DLG2: variants seen among roughly 807,000 people sequenced by gnomAD.
The protein encoded by DLG2 is disks large homolog 2.
DLG2 carries 45 observed loss-of-function variants against 132.5 expected under a neutral mutation model. The ratio of observed to expected loss-of-function variants is 0.34; its 90% CI spans 0.27 to 0.44. DLG2 has a LOEUF of 0.44. Ranked by LOEUF, DLG2 falls within the 20% of genes least tolerant of loss-of-function variation. DLG2 has a pLI of 1.00. For missense variants in DLG2, 1,045 were observed against 1,196.9 expected, an observed-to-expected ratio of 0.87 and a Z score of 1.87; for synonymous variants, 424 against 419.6, an observed-to-expected ratio of 1.01 and a Z score of -0.13.
intron 6 of DLG2, among the ~76,000 whole-genome samples, chr11:84,943,975 A>G (rs1489825491): frequency 6.6e-6 from 1 of 152,036 alleles, no homozygotes; most frequent in African/African-American, 2.4e-5. Context: ...GAAAGTCTTC[A>G]TTTCTCCTTC....
rs981588323 is a variant in DLG2 at position 85,082,615 on chromosome 11, G to C, written c.357+29046C>G. 1.1e-4 allele frequency among the ~76,000 whole-genome samples: 16 copies of C among 151,736 alleles called. No individual in the cohort carries two copies. The East Asian group carries it at 2.3e-3, about 22-fold the overall frequency. On this transcript the variant is annotated intron_variant, in intron 6 of 27. Coordinates refer to ENST00000376104, the MANE Select transcript of DLG2 (RefSeq NM_001142699.3). ...CTTCTCTTGATTGTTTTTTCACTTG[G>C]TAACAAAGACAGCAAAAAGGGAAGG...
chr11:84,653,705 G>A (rs1001742376), intron 6 of DLG2, among the ~76,000 whole-genome samples: 1 of 152,140 alleles, frequency 6.6e-6, no homozygotes, highest in African/African-American at 2.4e-5. Context: ...ATATGTTCAA[G>A]TCCTCCTAAC....
At chr11:83,478,019 C>T (rs2092758491) in intron 22 of DLG2, among the ~76,000 whole-genome samples, 1 of 152,062 alleles carries the variant, frequency 6.6e-6, no homozygotes, top group South Asian at 2.1e-4. Flanking sequence ...TTGAGCCAGA[C>T]ATCAATCTAT....
At chr11:85,321,170 G>C (rs1225557922) in intron 3 of DLG2, among the ~76,000 whole-genome samples, 2 of 151,962 alleles carry the variant, frequency 1.3e-5, no homozygotes, top group African/African-American at 4.8e-5. Context: ...TAGGGAGAAA[G>C]AGATTTTTGC....
rs528670078 is a variant in DLG2, at chr11:84,876,793, C to A, written c.357+234868G>T. Among the ~76,000 whole-genome samples the A allele has an allele frequency of 5.3e-5, 8 of 152,280 alleles. No homozygotes were observed. In the East Asian group the frequency reaches 1.2e-3, roughly 22 times the overall value. ...TGATGGTAGGGTGTTGAATTTAGAT[C>A]TTTCCTGCTTTCTCCAGTGGGCATT... On this transcript the variant is annotated intron_variant, in intron 6 of 27. Transcript: ENST00000376104.
intron 27 of DLG2, among the ~76,000 whole-genome samples, chr11:83,461,172 C>A (rs2089915518): frequency 6.6e-6 from 1 of 151,936 alleles, no homozygotes; most frequent in Non-Finnish European, 1.5e-5. Flanking sequence ...CCACACCCAG[C>A]TAATTTTTTG....
intron 9 of DLG2, among the ~76,000 whole-genome samples, chr11:84,145,221 T>C (rs1316805740): frequency 2.6e-5 from 4 of 152,226 alleles, no homozygotes; most frequent in African/African-American, 4.8e-5. Context: ...GTTTTAAAAG[T>C]ACCCTTATAC....
At chr11:84,174,629 C>T (rs2095906567) in intron 8 of DLG2, among the ~76,000 whole-genome samples, 1 of 152,128 alleles carries the variant, frequency 6.6e-6, no homozygotes, top group Non-Finnish European at 1.5e-5. Context: ...TAGGTTAGGT[C>T]CTAGGGCTAT....
chr11:84,594,663 A>G (rs1224605342), intron 6 of DLG2, among the ~76,000 whole-genome samples: 3 of 152,214 alleles, frequency 2.0e-5, no homozygotes, highest in Non-Finnish European at 4.4e-5. Flanking sequence ...CATGCAAAAC[A>G]AACAGTTTGG....
chr11:84,213,848 A>G (rs2096792690), intron 8 of DLG2, among the ~76,000 whole-genome samples: 2 of 149,816 alleles, frequency 1.3e-5, no homozygotes, highest in South Asian at 4.2e-4. Context: ...AAAAAAAAAA[A>G]GGATGTAAGA....
chr11:83,516,893 C>T lies in DLG2; in HGVS notation c.2193+15815G>A, dbSNP rs532814935. Among the ~76,000 whole-genome samples, 171 of 149,184 alleles carry T rather than the reference C, an allele frequency of 1.1e-3. 4 individuals carry two copies. Among genetic ancestry groups the T allele is most frequent in the African/African-American group, 2.6e-3 (104 of 40,528 alleles). ...CTTGTAGAGTTTCTGCCGAGAGATC[C>T]GCTGTTAGTCTGATGGGCTTCCCTT... is the stretch of plus-strand genomic sequence containing the variant. On this transcript the variant is annotated intron_variant, in intron 21 of 27. Transcript: ENST00000376104.
At chr11:85,399,993 C>A (rs1396174129) in intron 3 of DLG2, among the ~76,000 whole-genome samples, 3 of 151,968 alleles carry the variant, frequency 2.0e-5, no homozygotes, top group Non-Finnish European at 4.4e-5. Context: ...AGTGAACAGG[C>A]AACCTACAAA....
At chr11:84,074,528 A>ATTTT (rs1255706114) in intron 10 of DLG2, among the ~76,000 whole-genome samples, 1 of 144,946 alleles carries the variant, frequency 6.9e-6, no homozygotes, top group African/African-American at 2.8e-5. Flanking sequence ...CAGAGTTTCT[A>ATTTT]ATTTTTTTTT....
At chr11:83,838,784 CAAA>C (rs56885281) in intron 16 of DLG2, among the ~76,000 whole-genome samples, 2 of 135,066 alleles carry the variant, frequency 1.5e-5, no homozygotes, top group African/African-American at 2.8e-5. Context: ...TGTTCCCAGA[CAAA>C]AAAAAAAAAG....
chr11:84,941,160 C>T (rs916823586), intron 6 of DLG2, among the ~76,000 whole-genome samples: 4 of 152,082 alleles, frequency 2.6e-5, no homozygotes, highest in Non-Finnish European at 2.9e-5. Context: ...TCAGGCAATA[C>T]GACTCCTCCA....
rs538002488 is a variant in DLG2, at chr11:84,365,401, C to T, written c.520-114110G>A. On this transcript the variant is annotated intron_variant, in intron 7 of 27. Coordinates refer to ENST00000376104, the MANE Select transcript of DLG2 (RefSeq NM_001142699.3). ...TATTGCATCTATTTGATTCTTCTCT[C>T]TTTTTTTTTAATTAGTCTTGCTAGC... 2.8e-3 allele frequency among the ~76,000 whole-genome samples: 422 copies of T among 150,788 alleles called. 1 individual carries two copies. Among genetic ancestry groups the T allele is most frequent in the African/African-American group, 9.7e-3 (399 of 41,106 alleles).
At chr11:85,100,873 G>A (rs2070743099) in intron 6 of DLG2, among the ~76,000 whole-genome samples, 1 of 152,148 alleles carries the variant, frequency 6.6e-6, no homozygotes, top group South Asian at 2.1e-4. Context: ...GAATCATCCT[G>A]AGAATTAAGG....
rs182324675 is a variant in DLG2 at position 84,540,598 on chromosome 11, G to A, written c.358-5867C>T. Among the ~76,000 whole-genome samples, 505 of 152,244 alleles carry A rather than the reference G, an allele frequency of 3.3e-3. 2 individuals carry two copies. The highest frequency in any genetic ancestry group is 6.8e-3 in the Middle Eastern group (2 of 294). ...ACACTTTTACACTGTTGGTGGGACCGTAAACTACTTCCACCATTGTGGAAG... is the reference window on the plus strand; with the variant it reads ...ACACTTTTACACTGTTGGTGGGACCATAAACTACTTCCACCATTGTGGAAG... On this transcript the variant is annotated intron_variant, in intron 6 of 27. Transcript: ENST00000376104.
chr11:85,383,013 C>T (rs74697688), intron 3 of DLG2, among the ~76,000 whole-genome samples: 1 of 152,040 alleles, frequency 6.6e-6, no homozygotes, highest in Non-Finnish European at 1.5e-5. Flanking sequence ...CACATCCACA[C>T]AAGAATCTGT....
Sources: allele counts gnomAD v4.1 joint callset (sites outside exome capture counted in the v4.1 genomes callset), GRCh38; gene constraint gnomAD v4.1.1; transcripts MANE v1.5; gene names NCBI Gene and HGNC (gene_info 2026-07-23, HGNC 2026-07-21).